Variants in NOL8 observed in about 807,000 individuals in gnomAD.
The protein encoded by NOL8 is nucleolar protein Nop132.
Under a neutral mutation model 116.1 loss-of-function variants are expected in NOL8, and 93 were observed. That is an observed-to-expected ratio of 0.80 (90% CI 0.68 to 0.95). NOL8 has a LOEUF of 0.95. NOL8 is among the 40% of genes least tolerant of loss of function. NOL8 has a pLI of 0.00. For missense variants in NOL8, 1,291 were observed against 1,382.8 expected, an observed-to-expected ratio of 0.93 and a Z score of 1.05; for synonymous variants, 419 against 469.0, an observed-to-expected ratio of 0.89 and a Z score of 1.38.
chr9:92,317,232 T>A (rs1839494996), intron 6 of NOL8, among the ~76,000 whole-genome samples: 1 of 152,184 alleles, frequency 6.6e-6, no homozygotes. Context: ...AGTGCTGGGA[T>A]TACAGGTGTG....
chr9:92,298,697 G>A (rs556792512), intron 15 of NOL8, 187 bp downstream of exon 15: 22 of 476,248 alleles, frequency 4.6e-5, no homozygotes, highest in South Asian at 3.4e-4. Flanking sequence ...GAGAATGAGC[G>A]GGCAAAGAAA....
intron 11 of NOL8, among the ~76,000 whole-genome samples, chr9:92,306,608 A>G (rs1398348704): frequency 6.6e-6 from 1 of 152,242 alleles, no homozygotes; most frequent in Non-Finnish European, 1.5e-5. Context: ...TTACGTTTAT[A>G]TAAATACTTT....
At chr9:92,319,894 C>A (rs1370338636) in intron 4 of NOL8, 1 of 370,242 alleles carries the variant, frequency 2.7e-6, no homozygotes, top group Admixed American at 3.5e-5. Flanking sequence ...CTTAGCCCAT[C>A]CACTACACTA....
Position 92,297,892 on chromosome 9 carries a change from A to C in NOL8, c.3454-6T>G, listed in dbSNP as rs541759155. ...TTATGTTTCTTTCGACAATCCTAGG[A>C]AAAAAAAAAGACTTGGTTAGCAATA... On this transcript the variant is annotated splice_region_variant and splice_polypyrimidine_tract_variant and intron_variant, in intron 16 of 16. Coordinates refer to ENST00000442668, the MANE Select transcript of NOL8 (RefSeq NM_017948.6). 1.3e-5 allele frequency: 18 copies of C among 1,382,910 alleles called. No individual in the cohort carries two copies. Among genetic ancestry groups the C allele is most frequent in the Non-Finnish European group, 1.7e-5 (17 of 1,029,436 alleles). The allele number at this position is 1,382,910 out of a possible 1,614,324, so 85.7% of individuals were successfully genotyped here.
intron 11 of NOL8, 121 bp from the exon 12 acceptor site, chr9:92,305,951 A>G (rs1204857448): frequency 9.3e-6 from 6 of 647,734 alleles, no homozygotes; most frequent in Non-Finnish European, 1.6e-5. Flanking sequence ...AAGAAGCCAT[A>G]TAACATCAGA....
Position 92,314,740 on chromosome 9 carries a change from G to C in NOL8, c.1885C>G (p.Pro629Ala), listed in dbSNP as rs1196804210. 3 of 1,613,796 alleles carry C rather than the reference G, an allele frequency of 1.9e-6. No homozygotes were observed. The highest frequency in any genetic ancestry group is 2.5e-6 in the Non-Finnish European group (3 of 1,179,856). ...YVNGSLGEVT[P>A]CQHAKKANGP... ...TTCGCCTTCTTTGCATGTTGGCATG[G>C]AGTCACTTCACCTAATGAGCCATTA... Residue 629 changes from proline to alanine, a missense_variant, in exon 7 of 17, where the codon CCA (proline) becomes GCA (alanine). By Grantham distance (27) the Pro-to-Ala change is conservative (BLOSUM62 -1). Transcript: ENST00000442668.
chr9:92,318,576 C>CTG, intron 6 of NOL8, 42 bp downstream of exon 6: 1 of 1,329,998 alleles, frequency 7.5e-7, no homozygotes, highest in East Asian at 2.3e-5. Context: ...TACAAGTATC[C>CTG]GTCACTGTGG....
At chr9:92,319,776 T>C (rs1289334338) in intron 4 of NOL8, among the ~76,000 whole-genome samples, 1 of 152,232 alleles carries the variant, frequency 6.6e-6, no homozygotes, top group Non-Finnish European at 1.5e-5. Flanking sequence ...ATCAATCTAC[T>C]GTAGTTTATT....
Position 92,298,968 on chromosome 9 carries a change from G to A in NOL8, c.3303-14C>T, listed in dbSNP as rs1245521247. The A allele has an allele frequency of 2.1e-6, 3 of 1,462,180 alleles. No individual in the cohort carries two copies. The South Asian group carries it at 4.1e-5, about 20-fold the overall frequency. The allele number at this position is 1,462,180 out of a possible 1,614,324, so 90.6% of individuals were successfully genotyped here. ...AATGATGCTTCTCTGAAAAGAAAGG[G>A]ACAAAGGAGAGAGAAAAATAGGTAT... On this transcript the variant is annotated splice_polypyrimidine_tract_variant and intron_variant, in intron 14 of 16. Transcript: ENST00000442668.
At chr9:92,300,616 CT>C in intron 13 of NOL8, 1 of 996,812 alleles carries the variant, frequency 1.0e-6, no homozygotes, top group South Asian at 4.3e-5. Context: ...GTTAGAAAAA[CT>C]ATCGTTACTA....
Position 92,324,101 on chromosome 9 carries a change from CA to C in NOL8, c.60del (p.Glu21ArgfsTer40). 6.2e-7 allele frequency: 1 copy of C among 1,614,050 alleles called. No homozygotes were observed. Among genetic ancestry groups the C allele is most frequent in the Non-Finnish European group, 8.5e-7 (1 of 1,179,900 alleles). On this transcript the variant is annotated frameshift_variant, in exon 2 of 17. Coordinates refer to ENST00000442668, the MANE Select transcript of NOL8 (RefSeq NM_017948.6). LOFTEE classifies it high-confidence loss of function. ...CTGAACTGATTTTGTAGGTCTGCCT[CA>C]GAAATGTCCTGGCTAAGGCCACCCA... ...LYVGGLSQDI[S>X]EADLQNQFSR...
At chr9:92,303,965 G>C (rs1423670022) in intron 12 of NOL8, among the ~76,000 whole-genome samples, 2 of 152,098 alleles carry the variant, frequency 1.3e-5, no homozygotes. Context: ...TCATCTAACA[G>C]AGTGAATTCC....
chr9:92,321,768 C>T (rs1839948857), intron 3 of NOL8, 22 bp from the exon 4 acceptor site: 1 of 1,127,288 alleles, frequency 8.9e-7, no homozygotes, highest in Non-Finnish European at 1.3e-6. Flanking sequence ...AGAATTATTA[C>T]AAGTACATGG....
chr9:92,323,088 T>C (rs116129510), intron 3 of NOL8: 142 of 248,754 alleles, frequency 5.7e-4, no homozygotes, highest in African/African-American at 2.9e-3. Context: ...CAAGAGTGTT[T>C]AGTGACAAGG....
chr9:92,320,964 T>G (rs1457663985), intron 4 of NOL8, among the ~76,000 whole-genome samples: 1 of 152,252 alleles, frequency 6.6e-6, no homozygotes, highest in East Asian at 1.9e-4. Flanking sequence ...CAATACCTTT[T>G]CTTCCTGAAA....
intron 4 of NOL8, among the ~76,000 whole-genome samples, chr9:92,321,094 G>C (rs552793219): frequency 1.1e-4 from 17 of 152,036 alleles, no homozygotes; most frequent in African/African-American, 4.1e-4. Context: ...TTTATATTTT[G>C]GTATGACACT....
rs769968828 is a variant in NOL8 at position 92,314,862 on chromosome 9, G to A, written c.1763C>T (p.Ser588Phe). 1.2e-6 allele frequency: 2 copies of A among 1,613,260 alleles called. No individual in the cohort carries two copies. The highest frequency in any genetic ancestry group is 1.7e-6 in the Non-Finnish European group (2 of 1,179,748). Residue 588 changes from serine to phenylalanine, a missense_variant, in exon 7 of 17, where the codon TCC becomes TTC. Transcript: ENST00000442668. ...CLYEKESMKKSLKDSVASNNK... is the reference protein window; with the variant it reads ...CLYEKESMKKFLKDSVASNNK... ...GTTAGAGGCAACACTGTCTTTCAAG[G>A]ATTTTTTCATTGACTCCTTTTCATA...
chr9:92,307,308 C>T lies in NOL8; in HGVS notation c.2687-284G>A, dbSNP rs555789439. Among the ~76,000 whole-genome samples the T allele has an allele frequency of 4.6e-5, 7 of 152,116 alleles. No homozygotes were observed. In the South Asian group the frequency reaches 8.3e-4, roughly 18 times the overall value. On this transcript the variant is annotated intron_variant, in intron 10 of 16. Transcript: ENST00000442668. ...AGTCTAAAACTTTTAAGGTAAAGATCGACAAATGTAATAGAGCAAGATACT... is the reference window on the plus strand; with the variant it reads ...AGTCTAAAACTTTTAAGGTAAAGATTGACAAATGTAATAGAGCAAGATACT...
rs1355524441 is a variant in NOL8, at chr9:92,299,803, T to C, written c.3302+87A>G. The C allele has an allele frequency of 3.6e-6, 5 of 1,382,134 alleles. No individual in the cohort carries two copies. In the Admixed American group the frequency reaches 6.3e-5, roughly 17 times the overall value. 85.6% of individuals were successfully genotyped at this position (1,382,134 alleles called of 1,614,324 possible). ...AAGCTAAGACAATTTAGTTGTCATG[T>C]GAAGAGAAGCTAAAATATTTCTAAA... On this transcript the variant is annotated intron_variant, in intron 14 of 16. Transcript: ENST00000442668.
Sources: gnomAD v4.1 joint callset for allele counts (sites outside exome capture counted in the v4.1 genomes callset) on GRCh38, gnomAD v4.1.1 for gene constraint, MANE v1.5 for transcripts, NCBI Gene and HGNC (gene_info 2026-07-23, HGNC 2026-07-21) for gene names.